Variants in SAXO1 observed in about 807,000 individuals in gnomAD.
SAXO1 encodes 4930500O09Rik.
A neutral mutation model predicts 17.5 loss-of-function variants in SAXO1; 21 were observed. The observed-to-expected ratio is 1.20, with a 90% CI of 0.85 to 1.72. The LOEUF is 1.72. Among genes scored for constraint, SAXO1 ranks in the 40% most tolerant of loss-of-function variants. SAXO1 has a pLI of 0.00. For missense variants in SAXO1, 843 were observed against 596.0 expected, an observed-to-expected ratio of 1.41 and a Z score of -4.32; for synonymous variants, 274 against 216.5, an observed-to-expected ratio of 1.27 and a Z score of -2.33.
At chr9:18,968,757 CT>C (rs2131785762) in intron 1 of SAXO1, among the ~76,000 whole-genome samples, 1 of 152,068 alleles carries the variant, frequency 6.6e-6, no homozygotes, top group Non-Finnish European at 1.5e-5. Flanking sequence ...CTACACCTGG[CT>C]AATTTTTGTA....
intron 1 of SAXO1, among the ~76,000 whole-genome samples, chr9:19,031,542 C>T (rs1835772306): frequency 6.6e-6 from 1 of 152,212 alleles, no homozygotes; most frequent in East Asian, 1.9e-4. Flanking sequence ...GCCTGCGCAA[C>T]AGAGCAAGAC....
chr9:18,964,290 G>A (rs940571924), intron 1 of SAXO1, among the ~76,000 whole-genome samples: 3 of 152,062 alleles, frequency 2.0e-5, no homozygotes, highest in Non-Finnish European at 4.4e-5. Flanking sequence ...CCTCATAAAC[G>A]GAATTAGGGA....
chr9:18,990,592 G>C (rs895991980), intron 1 of SAXO1, among the ~76,000 whole-genome samples: 2 of 152,090 alleles, frequency 1.3e-5, no homozygotes, highest in Non-Finnish European at 2.9e-5. Flanking sequence ...CCAACCCCTG[G>C]GCCATGGACC....
chr9:18,963,119 T>C (rs1832557637), intron 1 of SAXO1, among the ~76,000 whole-genome samples: 1 of 152,152 alleles, frequency 6.6e-6, no homozygotes. Flanking sequence ...AGATATGTGG[T>C]GTTATTTCTG....
At chr9:19,010,888 T>C (rs1381448254) in intron 1 of SAXO1, among the ~76,000 whole-genome samples, 1 of 152,198 alleles carries the variant, frequency 6.6e-6, no homozygotes, top group African/African-American at 2.4e-5. Context: ...ATTGAACATT[T>C]AGCTATATGC....
chr9:18,988,839 AT>A (rs1183444509), intron 1 of SAXO1, among the ~76,000 whole-genome samples: 3 of 152,176 alleles, frequency 2.0e-5, no homozygotes, highest in Non-Finnish European at 4.4e-5. Context: ...GGAAAATATG[AT>A]TCGCTTTATA....
rs761585456 is a variant in SAXO1 at position 18,928,533 on chromosome 9, T to A, written c.944A>T (p.Lys315Met). ...TCGGCAGGACTGAGCTGGGGCACCCTTAGGGCATGTGTAATGGGCCTGCAC... is the reference window on the plus strand; with the variant it reads ...TCGGCAGGACTGAGCTGGGGCACCCATAGGGCATGTGTAATGGGCCTGCAC... ...TTVQAHYTCP[K>M]GAPAQSCRPA... The change falls in exon 4 of 4, where the codon AAG becomes ATG. Residue 315 changes from lysine to methionine, a missense_variant. Transcript: ENST00000380534. The A allele has an allele frequency of 5.0e-6, 8 of 1,613,932 alleles. No homozygotes were observed. The highest frequency in any genetic ancestry group is 5.9e-6 in the Non-Finnish European group (7 of 1,179,978).
At chr9:19,025,890 T>A (rs1835449990) in intron 1 of SAXO1, among the ~76,000 whole-genome samples, 1 of 151,976 alleles carries the variant, frequency 6.6e-6, no homozygotes, top group African/African-American at 2.4e-5. Flanking sequence ...ACTTTTTTTT[T>A]TATATCAGAT....
rs1386162506 is a variant in SAXO1, at chr9:18,953,959, G to A, written c.39-3022C>T. Among the ~76,000 whole-genome samples, 11 of 152,300 alleles carry A rather than the reference G, an allele frequency of 7.2e-5. No homozygotes were observed. In the East Asian group the frequency reaches 1.7e-3, roughly 24 times the overall value. The stretch of plus-strand genomic sequence containing the variant: ...AAAGTTTGTAGAATTGCCCTGCCTA[G>A]GGCATTTAAAAGTAAGCTTGGCAGC... On this transcript the variant is annotated intron_variant, in intron 1 of 3. Transcript: ENST00000380534.
chr9:18,977,371 T>G (rs1168966697), intron 1 of SAXO1, among the ~76,000 whole-genome samples: 1 of 148,392 alleles, frequency 6.7e-6, no homozygotes, highest in African/African-American at 2.5e-5. Flanking sequence ...GGCATACTGC[T>G]AATAGCTTTT....
At chr9:18,993,280 C>T (rs927672392) in intron 1 of SAXO1, among the ~76,000 whole-genome samples, 14 of 151,868 alleles carry the variant, frequency 9.2e-5, no homozygotes, top group Non-Finnish European at 1.9e-4. Context: ...TGCCCCCCAC[C>T]CCCAGATAGG....
Position 18,962,578 on chromosome 9 carries a change from T to C in SAXO1, c.39-11641A>G, listed in dbSNP as rs144487622. Reference sequence around the variant, plus strand: ...CAAAAATGTTCTCCCATTCAGTAGGTTGCCTGTTCACTCTGATGATAGTTT... The same window carrying C: ...CAAAAATGTTCTCCCATTCAGTAGGCTGCCTGTTCACTCTGATGATAGTTT... On this transcript the variant is annotated intron_variant, in intron 1 of 3. Coordinates refer to ENST00000380534, the MANE Select transcript of SAXO1 (RefSeq NM_153707.4). 5.0e-3 allele frequency among the ~76,000 whole-genome samples: 766 copies of C among 152,348 alleles called. 5 individuals carry two copies. Among genetic ancestry groups the C allele is most frequent in the African/African-American group, 0.018 (728 of 41,584 alleles).
chr9:18,960,808 C>T (rs1358741728), intron 1 of SAXO1, among the ~76,000 whole-genome samples: 3 of 134,764 alleles, frequency 2.2e-5, no homozygotes, highest in Admixed American at 7.4e-5. Context: ...CTGAATTAAT[C>T]GAAAGAATAC....
intron 1 of SAXO1, among the ~76,000 whole-genome samples, chr9:19,020,113 T>C (rs925893300): frequency 6.6e-6 from 1 of 151,876 alleles, no homozygotes; most frequent in South Asian, 2.1e-4. Flanking sequence ...TCTACCTCCA[T>C]TGAGCGTAGC....
At chr9:18,931,236 T>G (rs528997957) in intron 3 of SAXO1, among the ~76,000 whole-genome samples, 2 of 152,186 alleles carry the variant, frequency 1.3e-5, no homozygotes, top group African/African-American at 4.8e-5. Flanking sequence ...AACTGCGCAT[T>G]TTTTGGACAT....
intron 1 of SAXO1, among the ~76,000 whole-genome samples, chr9:18,962,469 T>G (rs1031029525): frequency 2.0e-5 from 3 of 152,228 alleles, no homozygotes; most frequent in Non-Finnish European, 2.9e-5. Flanking sequence ...TCTGTTCACA[T>G]CATTCACCCA....
chr9:18,959,114 G>A (rs1832377378), intron 1 of SAXO1, among the ~76,000 whole-genome samples: 1 of 152,168 alleles, frequency 6.6e-6, no homozygotes, highest in Non-Finnish European at 1.5e-5. Flanking sequence ...TGGGGACAAG[G>A]ACTCAGTGCT....
At chr9:19,025,854 CT>C in intron 1 of SAXO1, among the ~76,000 whole-genome samples, 1 of 150,248 alleles carries the variant, frequency 6.7e-6, no homozygotes, top group Non-Finnish European at 1.5e-5. Flanking sequence ...ATTTATATTA[CT>C]TTACTAAAAG....
At chr9:18,989,069 A>T (rs564712869) in intron 1 of SAXO1, among the ~76,000 whole-genome samples, 50 of 152,292 alleles carry the variant, frequency 3.3e-4, no homozygotes, top group African/African-American at 1.1e-3. Flanking sequence ...CAGCTATAGA[A>T]TGAGTTATAT....
Sources: gnomAD v4.1 joint callset for allele counts (sites outside exome capture counted in the v4.1 genomes callset) on GRCh38, gnomAD v4.1.1 for gene constraint, MANE v1.5 for transcripts, NCBI Gene and HGNC (gene_info 2026-07-23, HGNC 2026-07-21) for gene names.